The following MME variants were observed in gnomAD, a reference collection of about 807,000 sequenced individuals.
MME encodes the protein membrane metalloendopeptidase.
A neutral mutation model predicts 113.2 loss-of-function variants in MME; 98 were observed. That is an observed-to-expected ratio of 0.87 (90% CI 0.74 to 1.02). The LOEUF (loss-of-function observed/expected upper bound fraction) is 1.02, where lower values mean the gene tolerates loss of function less well. Among genes scored for constraint, MME ranks in the 50% least tolerant of loss-of-function variants. The pLI is 0.00. For synonymous variants in MME, 292 were observed against 300.6 expected (o/e 0.97, Z 0.30); for missense variants, 836 against 896.0 (o/e 0.93, Z 0.86).
intron 8 of MME, among the ~76,000 whole-genome samples, chr3:155,134,412 T>C (rs576249530): frequency 2.6e-4 from 40 of 152,280 alleles, no homozygotes; most frequent in African/African-American, 9.4e-4. Context: ...CTTCCTGCAT[T>C]AATTCACTTA....
intron 1 of MME, among the ~76,000 whole-genome samples, chr3:155,056,338 C>T (rs76692234): frequency 0.019 from 2,837 of 147,116 alleles, 99 homozygotes; most frequent in African/African-American, 0.063. Context: ...CTCCCCACAC[C>T]GCACAACAGT....
chr3:155,111,873 T>C (rs190307567), intron 3 of MME, among the ~76,000 whole-genome samples: 12 of 152,342 alleles, frequency 7.9e-5, no homozygotes, highest in Admixed American at 3.9e-4. Flanking sequence ...AAGAGTTATA[T>C]ATTGCTAAGT....
Position 155,114,757 on chromosome 3 carries a change from G to C in MME, c.197-237G>C, listed in dbSNP as rs191912926. ...TCAGGGGTGGGGTGGGAAGGCTGTG[G>C]GACCCAGGGTGGAAGGACCCACACA... is the stretch of plus-strand genomic sequence containing the variant. On this transcript the variant is annotated intron_variant, in intron 3 of 22. Transcript: ENST00000360490. Among the ~76,000 whole-genome samples the C allele has an allele frequency of 1.3e-4, 20 of 152,186 alleles. 1 individual carries two copies. The East Asian group carries it at 2.5e-3, about 19-fold the overall frequency.
intron 16 of MME, among the ~76,000 whole-genome samples, chr3:155,150,892 A>G (rs1254538070): frequency 6.6e-6 from 1 of 152,188 alleles, no homozygotes; most frequent in African/African-American, 2.4e-5. Context: ...AATCATTAAG[A>G]CTGAGCCCTA....
intron 1 of MME, among the ~76,000 whole-genome samples, chr3:155,056,180 A>G (rs1713920682): frequency 6.6e-6 from 1 of 151,786 alleles, no homozygotes; most frequent in Admixed American, 6.6e-5. Flanking sequence ...CTTTTTTTAA[A>G]TTTTATTATT....
At chr3:155,138,033 A>T (rs1720768137) in intron 8 of MME, 69 bp from the exon 9 acceptor site, 3 of 1,550,720 alleles carry the variant, frequency 1.9e-6, no homozygotes, top group Non-Finnish European at 8.9e-7. Flanking sequence ...TGAAATGAAA[A>T]TAAATTTTAA....
In MME at chr3:155,085,044, C is replaced by A. The variant is rs188259964; in HGVS notation, c.161-15C>A. On this transcript the variant is annotated splice_polypyrimidine_tract_variant and intron_variant, in intron 2 of 22. Transcript: ENST00000360490. ...TGTGTTGCCAATATTTATGTATATT[C>A]TCTCCTTTTTCTAGATGGTATTTGC... The A allele has an allele frequency of 6.4e-5, 100 of 1,568,088 alleles. 1 individual carries two copies. The African/African-American group carries it at 1.3e-3, about 21-fold the overall frequency.
chr3:155,081,206 T>A (rs1299008210), intron 1 of MME: 1 of 152,202 alleles, frequency 6.6e-6, no homozygotes, highest in East Asian at 1.9e-4. Flanking sequence ...CCTGCAGATA[T>A]AAGTTAATGT....
At chr3:155,145,116 C>T (rs1462149140) in intron 14 of MME, among the ~76,000 whole-genome samples, 2 of 152,088 alleles carry the variant, frequency 1.3e-5, no homozygotes, top group Non-Finnish European at 2.9e-5. Context: ...TTTTTCAGCT[C>T]TCAAAGAGCC....
chr3:155,049,386 A>G (rs960418882), intron 1 of MME, among the ~76,000 whole-genome samples: 3 of 152,184 alleles, frequency 2.0e-5, no homozygotes, highest in African/African-American at 7.2e-5. Flanking sequence ...TCCACGAGCC[A>G]AAGAATGCCA....
At chr3:155,103,563 G>A (rs954022766) in intron 3 of MME, among the ~76,000 whole-genome samples, 4 of 152,158 alleles carry the variant, frequency 2.6e-5, no homozygotes, top group African/African-American at 7.2e-5. Context: ...GTTTCCGGAT[G>A]TGTTTCTATT....
At chr3:155,102,567 G>A (rs899379732) in intron 3 of MME, among the ~76,000 whole-genome samples, 3 of 152,140 alleles carry the variant, frequency 2.0e-5, no homozygotes, top group Admixed American at 2.0e-4. Context: ...GCTTGAGAAA[G>A]CATAAGTCAA....
At position 155,168,528 on chromosome 3, in the gene MME, G is replaced by A. The variant is rs755849980; in HGVS notation, c.1817G>A (p.Trp606Ter). ...NFNKDGDLVD[W>*]WTQQSASNFK... ...AACAAAGATGGAGACCTCGTTGACT[G>A]GTGGACTCAACAGTCTGCAAGTAAC... The change falls in exon 19 of 23, where the codon TGG becomes TAG. Residue 606 changes from tryptophan to a stop codon, truncating the protein, a stop_gained. Transcript: ENST00000360490. LOFTEE classifies it high-confidence loss of function. 1.2e-6 allele frequency: 2 copies of A among 1,613,222 alleles called. No homozygotes were observed. The highest frequency in any genetic ancestry group is 4.5e-5 in the East Asian group (2 of 44,790).
intron 1 of MME, among the ~76,000 whole-genome samples, chr3:155,042,274 T>G (rs1268525097): frequency 6.6e-6 from 1 of 152,190 alleles, no homozygotes; most frequent in Non-Finnish European, 1.5e-5. Flanking sequence ...ATCAGCTGGG[T>G]CAACTGTTTC....
At chr3:155,138,413 T>G (rs1211199753) in intron 9 of MME, among the ~76,000 whole-genome samples, 177 bp downstream of exon 9, 1 of 152,162 alleles carries the variant, frequency 6.6e-6, no homozygotes, top group Admixed American at 6.6e-5. Context: ...AATTTTATAG[T>G]AAACTGGGTT....
chr3:155,106,457 T>G (rs772945849), intron 3 of MME, among the ~76,000 whole-genome samples: 3 of 152,218 alleles, frequency 2.0e-5, no homozygotes, highest in Non-Finnish European at 4.4e-5. Flanking sequence ...TGAGTGTTTG[T>G]AATGAAAGCC....
intron 10 of MME, among the ~76,000 whole-genome samples, chr3:155,141,760 A>G (rs971249559): frequency 2.0e-5 from 3 of 152,154 alleles, no homozygotes; most frequent in Non-Finnish European, 2.9e-5. Flanking sequence ...ATTTCTAGGT[A>G]TATGTTCCTT....
At chr3:155,080,128 C>A (rs899685645), upstream of MME, 3 of 152,710 alleles carry the variant, frequency 2.0e-5, no homozygotes, top group African/African-American at 7.2e-5. Context: ...CCGGGAGGTG[C>A]GCTGAGCAGG....
rs574917547 is a variant in MME, at chr3:155,029,037, A to T, written c.-11+4713A>T. Among the ~76,000 whole-genome samples, 430 of 152,318 alleles carry T rather than the reference A, an allele frequency of 2.8e-3. 3 individuals carry two copies. The highest frequency in any genetic ancestry group is 0.01 in the African/African-American group (418 of 41,584). ...AAAAAGCAAAAACTTTTAATCTTTG[A>T]TAGAAAGGAGATCAAAGTTATTAAA... On this transcript the variant is annotated intron_variant, in intron 1 of 22. Transcript: ENST00000492661.
Sources: allele counts gnomAD v4.1 joint callset (sites outside exome capture counted in the v4.1 genomes callset), GRCh38; gene constraint gnomAD v4.1.1; transcripts MANE v1.5; gene names NCBI Gene and HGNC (gene_info 2026-07-23, HGNC 2026-07-21).